Variants in ZNF135 observed in about 807,000 individuals in gnomAD.
ZNF135 encodes zinc finger protein 135 (clone pHZ-17).
ZNF135 carries 11 observed loss-of-function variants against 12.3 expected under a neutral mutation model. The observed-to-expected ratio is 0.89, with a 90% CI of 0.56 to 1.48. ZNF135 has a LOEUF of 1.48. Ranked by LOEUF, ZNF135 falls within the 40% of genes most tolerant of loss-of-function variation. The pLI, the probability that ZNF135 is intolerant of heterozygous loss-of-function variation, is 0.00. For synonymous variants in ZNF135, 316 were observed against 312.0 expected (o/e 1.01, Z -0.14); for missense variants, 722 against 815.7 (o/e 0.89, Z 1.40).
At position 58,063,695 on chromosome 19, in the gene ZNF135, C is replaced by G; in HGVS notation, c.256+154C>G. 7.0e-7 allele frequency: 1 copy of G among 1,421,956 alleles called. No individual in the cohort carries two copies. The highest frequency in any genetic ancestry group is 2.6e-5 in the East Asian group (1 of 38,246). The allele number at this position is 1,421,956 out of a possible 1,614,324, so 88.1% of individuals were successfully genotyped here. ...ACCCATTTTGCTGTGAGTGACGACA[C>G]CACGTCCTCATCTCCACTGAATTTA... On this transcript the variant is annotated intron_variant, in intron 4 of 4. Transcript: ENST00000313434. The surrounding 1 kb of genome is among the most constrained non-coding windows in gnomAD (Gnocchi z 4.4).
chr19:58,066,153 C>T (rs569962558), intron 4 of ZNF135, among the ~76,000 whole-genome samples: 3 of 152,274 alleles, frequency 2.0e-5, no homozygotes, highest in Non-Finnish European at 2.9e-5. Context: ...TAATATGCCA[C>T]GGGTCATTTT....
chr19:58,064,716 CA>C (rs202061519), intron 4 of ZNF135, among the ~76,000 whole-genome samples: 5 of 130,710 alleles, frequency 3.8e-5, no homozygotes, highest in East Asian at 2.3e-4. Flanking sequence ...CCCGTCTCTA[CA>C]AAAAAAAAAT....
chr19:58,061,351 A>G lies in ZNF135; in HGVS notation c.34-229A>G, dbSNP rs546591013. On this transcript the variant is annotated intron_variant, in intron 2 of 4. Coordinates refer to ENST00000313434, the MANE Select transcript of ZNF135 (RefSeq NM_001289401.2). ...CACTCCTTTATTGCTGGCTCCCTCC[A>G]TTTCTTATTTCAAGAGACAAATTAT... Among the ~76,000 whole-genome samples, 293 of 152,168 alleles carry G rather than the reference A, an allele frequency of 1.9e-3. 3 individuals carry two copies. The highest frequency in any genetic ancestry group is 6.7e-3 in the African/African-American group (276 of 41,498).
rs1285919948 is a variant in ZNF135 at position 58,059,597 on chromosome 19, C to A, written c.-35+287C>A. ...AGGGAACGCGCGCCCCGCCCCTGGC[C>A]CCACCTCTGCCCCACACCGGGCACT... On this transcript the variant is annotated intron_variant, in intron 1 of 4. Coordinates refer to ENST00000313434, the MANE Select transcript of ZNF135 (RefSeq NM_001289401.2). This position sits in a 1 kb window ranked among gnomAD's most constrained non-coding sequence, Gnocchi z 6.5. 1 of 521,246 alleles carries A rather than the reference C, an allele frequency of 1.9e-6. No individual in the cohort carries two copies. The highest frequency in any genetic ancestry group is 2.0e-5 in the African/African-American group (1 of 49,328). 32.3% of individuals were successfully genotyped at this position (521,246 alleles called of 1,614,324 possible).
chr19:58,067,726 G>A lies in ZNF135; in HGVS notation c.1242G>A (p.Glu414=). The A allele has an allele frequency of 6.2e-7, 1 of 1,614,140 alleles. No homozygotes were observed. The highest frequency in any genetic ancestry group is 2.2e-5 in the East Asian group (1 of 44,848). ...GAGAAAAGCCCTATGAGTGTGGTGA[G>A]TGTGGGAAAGCCTTCAGTCAGAGCA... ...HTGEKPYECG[E]CGKAFSQSTL... The change falls in exon 5 of 5, where the codon GAG becomes GAA. Residue 414 remains glutamate (E), a synonymous_variant. Coordinates refer to ENST00000313434, the MANE Select transcript of ZNF135 (RefSeq NM_001289401.2).
Position 58,067,509 on chromosome 19 carries a change from C to G in ZNF135, c.1025C>G (p.Thr342Ser). 1.2e-6 allele frequency: 2 copies of G among 1,613,670 alleles called. No homozygotes were observed. The highest frequency in any genetic ancestry group is 1.7e-6 in the Non-Finnish European group (2 of 1,179,908). Residue 342 changes from threonine (T) to serine (S), a missense_variant, in exon 5 of 5, where the codon ACC becomes AGC. By Grantham distance (58) the Thr-to-Ser change is moderately conservative. Coordinates refer to ENST00000313434, the MANE Select transcript of ZNF135 (RefSeq NM_001289401.2). ...GCCTTCCGGCAAAGCATCCACCTCA[C>G]CCAGCATCTGCGAATCCACACTGGG... ...GKAFRQSIHL[T>S]QHLRIHTGEK...
rs2074085880 is a variant in ZNF135 at position 58,067,252 on chromosome 19, A to G, written c.768A>G (p.Ala256=). ...ECLKGFRNSS[A]LTKHQRIHTG... ...TAAAAGGCTTCCGGAACAGCTCGGC[A>G]CTTACCAAACACCAGAGAATCCATA... The change falls in exon 5 of 5, where the codon GCA becomes GCG. Residue 256 remains alanine (A), a synonymous_variant. Coordinates refer to ENST00000313434, the MANE Select transcript of ZNF135 (RefSeq NM_001289401.2). 12 of 1,614,114 alleles carry G rather than the reference A, an allele frequency of 7.4e-6. No homozygotes were observed. The highest frequency in any genetic ancestry group is 1.0e-5 in the Non-Finnish European group (12 of 1,180,060).
rs567316672 is a variant in ZNF135, at chr19:58,060,876, C to T, written c.34-704C>T. 6.6e-6 allele frequency among the ~76,000 whole-genome samples: 1 copy of T among 152,110 alleles called. No homozygotes were observed. Among genetic ancestry groups the T allele is most frequent in the African/African-American group, 2.4e-5 (1 of 41,498 alleles). On this transcript the variant is annotated intron_variant, in intron 2 of 4. Transcript: ENST00000313434. The surrounding 1 kb of genome is among the most constrained non-coding windows in gnomAD (Gnocchi z 4.9). Reference sequence around the variant, plus strand: ...GCGCGGTGGCTCGCACCTGTAATCCCAGCACTTTGGGAGGCCGAGGTGGGC... The same window carrying T: ...GCGCGGTGGCTCGCACCTGTAATCCTAGCACTTTGGGAGGCCGAGGTGGGC...
rs760355859 is a variant in ZNF135, at chr19:58,066,679, C to T, written c.257-62C>T. ...TTTTATCCTTCCTCTTCCCATCTCACCACAAACTCTTTTGCCGTGGAACAG... is the reference window on the plus strand; with the variant it reads ...TTTTATCCTTCCTCTTCCCATCTCATCACAAACTCTTTTGCCGTGGAACAG... On this transcript the variant is annotated intron_variant, in intron 4 of 4. Transcript: ENST00000313434. 16 of 1,585,738 alleles carry T rather than the reference C, an allele frequency of 1.0e-5. No individual in the cohort carries two copies. In the South Asian group the frequency reaches 1.9e-4, roughly 19 times the overall value.
In ZNF135 at chr19:58,068,083, G is replaced by C; in HGVS notation, c.1599G>C (p.Gln533His). The change falls in exon 5 of 5, where the codon CAG (glutamine) becomes CAC (histidine). Residue 533 changes from glutamine to histidine, a missense_variant. By Grantham distance (24) the Gln-to-His change is conservative (BLOSUM62 0). Transcript: ENST00000313434. ...ACCAGTGTGGCAGAGCCTTCAGCCAGCTTGCTCCCCTCATTCAGCATCAGA... is the reference window on the plus strand; with the variant it reads ...ACCAGTGTGGCAGAGCCTTCAGCCACCTTGCTCCCCTCATTCAGCATCAGA... ...ECNQCGRAFS[Q>H]LAPLIQHQRI... The C allele has an allele frequency of 6.2e-7, 1 of 1,613,956 alleles. No individual in the cohort carries two copies. Among genetic ancestry groups the C allele is most frequent in the Non-Finnish European group, 8.5e-7 (1 of 1,179,990 alleles).
rs1568619060 is a variant in ZNF135, at chr19:58,068,770, G to A, written c.*309G>A. 7.6e-6 allele frequency: 2 copies of A among 264,024 alleles called. No individual in the cohort carries two copies. The highest frequency in any genetic ancestry group is 1.5e-5 in the Non-Finnish European group (2 of 137,560). The allele number at this position is 264,024 out of a possible 1,614,324, so 16.4% of individuals were successfully genotyped here. On this transcript the variant is annotated 3_prime_UTR_variant, in exon 5 of 5. Coordinates refer to ENST00000313434, the MANE Select transcript of ZNF135 (RefSeq NM_001289401.2). Reference sequence around the variant, plus strand: ...CCTACAAAAAAGAAATGGAACAAATGTAGTGGATCCAGGGAACGCTTTTGT... The same window carrying A: ...CCTACAAAAAAGAAATGGAACAAATATAGTGGATCCAGGGAACGCTTTTGT...
Position 58,060,462 on chromosome 19 carries a change from G to A in ZNF135, c.33+427G>A. ...TTTGTGCGGCCGTCATTGCATACCT[G>A]AGGCTGGGTGATGTCAGAAAATTGT... On this transcript the variant is annotated intron_variant, in intron 2 of 4. Transcript: ENST00000313434. The surrounding 1 kb of genome is among the most constrained non-coding windows in gnomAD (Gnocchi z 4.9). 1 of 1,068,648 alleles carries A rather than the reference G, an allele frequency of 9.4e-7. No homozygotes were observed. The highest frequency in any genetic ancestry group is 8.9e-5 in the East Asian group (1 of 11,252). 66.2% of individuals were successfully genotyped at this position (1,068,648 alleles called of 1,614,324 possible).
chr19:58,068,275 A>T lies in ZNF135; in HGVS notation c.1791A>T (p.Glu597Asp). ...ACAGCTCCTCGCTCAGCCAGCACGA[A>T]AGGACGCACACTGGGGAAAAGCCCT... ...FSHSSSLSQH[E>D]RTHTGEKPYE... The change falls in exon 5 of 5, where the codon GAA (glutamate) becomes GAT (aspartate). Residue 597 changes from glutamate (E) to aspartate (D), a missense_variant. Coordinates refer to ENST00000313434, the MANE Select transcript of ZNF135 (RefSeq NM_001289401.2). 1.2e-6 allele frequency: 2 copies of T among 1,613,274 alleles called. No individual in the cohort carries two copies. The highest frequency in any genetic ancestry group is 2.2e-5 in the South Asian group (2 of 91,028).
chr19:58,067,084 C>T lies in ZNF135; in HGVS notation c.600C>T (p.Asp200=). The T allele has an allele frequency of 3.1e-6, 5 of 1,614,162 alleles. No individual in the cohort carries two copies. The highest frequency in any genetic ancestry group is 4.2e-6 in the Non-Finnish European group (5 of 1,180,028). ...CACGTGGAAAAAGGGAGAAGCCAGACCTAAATGTTTTACAGAAAACCTGTG... is the reference window on the plus strand; with the variant it reads ...CACGTGGAAAAAGGGAGAAGCCAGATCTAAATGTTTTACAGAAAACCTGTG... ...WGTRGKREKP[D]LNVLQKTCVK... is the part of the protein sequence containing the mutation. The change falls in exon 5 of 5, where the codon GAC becomes GAT. Residue 200 remains aspartate (D), a synonymous_variant. Coordinates refer to ENST00000313434, the MANE Select transcript of ZNF135 (RefSeq NM_001289401.2).
At chr19:58,061,768 G>A in intron 3 of ZNF135, 62 bp downstream of exon 3, 5 of 1,539,316 alleles carry the variant, frequency 3.2e-6, no homozygotes, top group Admixed American at 2.2e-5. Flanking sequence ...GATTCTACCA[G>A]GTTAAATATT....
At position 58,067,259 on chromosome 19, in the gene ZNF135, A is replaced by G. The variant is rs766342801; in HGVS notation, c.775A>G (p.Lys259Glu). 2 of 1,614,078 alleles carry G rather than the reference A, an allele frequency of 1.2e-6. No homozygotes were observed. The highest frequency in any genetic ancestry group is 1.7e-6 in the Non-Finnish European group (2 of 1,180,054). The change falls in exon 5 of 5, where the codon AAA becomes GAA. Residue 259 changes from lysine to glutamate, a missense_variant. Physicochemically the swap from Lys to Glu is moderately conservative, Grantham distance 56 (BLOSUM62 1). Coordinates refer to ENST00000313434, the MANE Select transcript of ZNF135 (RefSeq NM_001289401.2). Reference sequence around the variant, plus strand: ...CTTCCGGAACAGCTCGGCACTTACCAAACACCAGAGAATCCATACTGGGGA... The same window carrying G: ...CTTCCGGAACAGCTCGGCACTTACCGAACACCAGAGAATCCATACTGGGGA... ...KGFRNSSALT[K>E]HQRIHTGEKP...
rs2073937896 is a variant in ZNF135, at chr19:58,059,877, C to T, written c.-34-92C>T. The T allele has an allele frequency of 8.1e-6, 12 of 1,490,200 alleles. No homozygotes were observed. The South Asian group carries it at 1.5e-4, about 18-fold the overall frequency. The allele number at this position is 1,490,200 out of a possible 1,614,324, so 92.3% of individuals were successfully genotyped here. ...ACGCGGGGCCCTGGACGGCTCTCCG[C>T]GGAGCTCCCCAGGCTCTGGCGCAGT... On this transcript the variant is annotated intron_variant, in intron 1 of 4. Transcript: ENST00000313434. The surrounding 1 kb of genome is among the most constrained non-coding windows in gnomAD (Gnocchi z 6.5).
chr19:58,060,126 C>G lies in ZNF135; in HGVS notation c.33+91C>G. 1.3e-6 allele frequency: 2 copies of G among 1,595,608 alleles called. No homozygotes were observed. Among genetic ancestry groups the G allele is most frequent in the Non-Finnish European group, 1.7e-6 (2 of 1,176,126 alleles). ...CTCACGCCCGGCCTCCTCTTTGCACCCCGTCCCTACTCGCGCTCAGCCTCC... is the reference window on the plus strand; with the variant it reads ...CTCACGCCCGGCCTCCTCTTTGCACGCCGTCCCTACTCGCGCTCAGCCTCC... On this transcript the variant is annotated intron_variant, in intron 2 of 4. Coordinates refer to ENST00000313434, the MANE Select transcript of ZNF135 (RefSeq NM_001289401.2). This position sits in a 1 kb window ranked among gnomAD's most constrained non-coding sequence, Gnocchi z 4.9.
rs772856930 is a variant in ZNF135 at position 58,063,753 on chromosome 19, A to G, written c.256+212A>G. 2.3e-6 allele frequency: 3 copies of G among 1,279,540 alleles called. No individual in the cohort carries two copies. The highest frequency in any genetic ancestry group is 3.1e-6 in the Non-Finnish European group (3 of 982,372). 79.3% of individuals were successfully genotyped at this position (1,279,540 alleles called of 1,614,324 possible). On this transcript the variant is annotated intron_variant, in intron 4 of 4. Transcript: ENST00000313434. This position sits in a 1 kb window ranked among gnomAD's most constrained non-coding sequence, Gnocchi z 4.4. ...GGTGAGGGAGTGGGGGAAACAAACA[A>G]TAAATCGGTAAAATAATAATAATAA...
Sources: gnomAD v4.1 joint callset for allele counts (sites outside exome capture counted in the v4.1 genomes callset) on GRCh38, gnomAD v4.1.1 for gene constraint, Gnocchi (gnomAD v3.1) non-coding constraint, MANE v1.5 for transcripts, NCBI Gene and HGNC (gene_info 2026-07-23, HGNC 2026-07-21) for gene names.